The following DEPDC4 variants were observed in gnomAD, a reference collection of about 807,000 sequenced individuals.
DEPDC4 encodes DEP domain-containing protein 4.
Under a neutral mutation model 52.0 loss-of-function variants are expected in DEPDC4, and 52 were observed. The observed-to-expected ratio is 1.00, with a 90% CI of 0.80 to 1.26. DEPDC4 has a LOEUF of 1.26. Ranked by LOEUF, DEPDC4 falls within the 50% of genes most tolerant of loss-of-function variation. DEPDC4 has a pLI of 0.00. For synonymous variants in DEPDC4, 201 were observed against 196.8 expected (o/e 1.02, Z -0.18); for missense variants, 530 against 546.9 (o/e 0.97, Z 0.31).
upstream of DEPDC4, chr12:100,267,679 G>A (rs1393708300): frequency 2.0e-5 from 3 of 152,418 alleles, no homozygotes; most frequent in Non-Finnish European, 2.9e-5. Context: ...CGGGAGACCC[G>A]GGATCGAAGT....
chr12:100,237,259 G>C (rs1592860647), downstream of DEPDC4, among the ~76,000 whole-genome samples: 2 of 150,468 alleles, frequency 1.3e-5, no homozygotes, highest in South Asian at 4.2e-4. Context: ...CCAGGCTGGA[G>C]TGCAGTGGCG....
intron 1 of DEPDC4, among the ~76,000 whole-genome samples, chr12:100,265,532 T>G (rs976241322): frequency 4.2e-4 from 64 of 151,892 alleles, no homozygotes; most frequent in African/African-American, 1.5e-3. Flanking sequence ...GAGGTGGAGG[T>G]TGCGGTGAGC....
At chr12:100,263,247 T>C (rs1444209569) in intron 2 of DEPDC4, among the ~76,000 whole-genome samples, 1 of 152,226 alleles carries the variant, frequency 6.6e-6, no homozygotes, top group East Asian at 1.9e-4. Context: ...TGGCCAAAAG[T>C]CACCCTTTTA....
At chr12:100,271,342 T>C (rs1033252216), upstream of DEPDC4, among the ~76,000 whole-genome samples, 1 of 150,796 alleles carries the variant, frequency 6.6e-6, no homozygotes, top group Non-Finnish European at 1.5e-5. Flanking sequence ...AAGTACTGCA[T>C]ATGGGAGTAT....
At chr12:100,274,525 A>G in the DEPDC4 span, among the ~76,000 whole-genome samples, 1 of 152,198 alleles carries the variant, frequency 6.6e-6, no homozygotes, top group Non-Finnish European at 1.5e-5. Flanking sequence ...GAAAGAAGCA[A>G]GGTACAGCCT....
At chr12:100,232,749 G>A (rs1297344375) in intron 9 of DEPDC4, among the ~76,000 whole-genome samples, 4 of 152,286 alleles carry the variant, frequency 2.6e-5, no homozygotes, top group African/African-American at 7.2e-5. Context: ...CAGGCGTGGT[G>A]GCGCATGCCT....
chr12:100,263,088 A>G (rs1171523996), intron 2 of DEPDC4, among the ~76,000 whole-genome samples: 1 of 152,128 alleles, frequency 6.6e-6, no homozygotes, highest in African/African-American at 2.4e-5. Flanking sequence ...CAGCCTCTTG[A>G]GTAGCTAGGA....
chr12:100,241,706 CTTAA>C lies in DEPDC4; in HGVS notation c.*182_*185del, dbSNP rs998286532. ...CTTCTGGATGGTGTTTTTGAAATTCCTTAATTAATTTCTTTTTTCGTTTCAGAGA... is the reference window on the plus strand; with the variant it reads ...CTTCTGGATGGTGTTTTTGAAATTCCTTAATTTCTTTTTTCGTTTCAGAGA... On this transcript the variant is annotated 3_prime_UTR_variant, in exon 10 of 10. Coordinates refer to ENST00000550587, the MANE Select transcript of DEPDC4 (RefSeq NM_001364818.2). 1.8e-5 allele frequency: 23 copies of C among 1,256,678 alleles called. No homozygotes were observed. The highest frequency in any genetic ancestry group is 2.3e-5 in the Non-Finnish European group (22 of 974,856). 77.8% of individuals were successfully genotyped at this position (1,256,678 alleles called of 1,614,324 possible). A position where few individuals can be genotyped will look rare whatever the true frequency, so the allele number is the denominator to read the frequency against.
rs1180492373 is a variant in DEPDC4, at chr12:100,244,089, C to G, written c.1454-1520G>C. Among the ~76,000 whole-genome samples the G allele has an allele frequency of 2.3e-3, 62 of 26,732 alleles. 1 individual carries two copies. Among genetic ancestry groups the G allele is most frequent in the African/African-American group, 4.1e-3 (27 of 6,546 alleles). The allele number at this position is 26,732 out of a possible 152,430, so 17.5% of individuals were successfully genotyped here. A position where few individuals can be genotyped will look rare whatever the true frequency, so the allele number is the denominator to read the frequency against. ...TGTCTCCCTCTCTCTCTCTCTCTCT[C>G]TCTGTGTATATATATATATATATAT... On this transcript the variant is annotated intron_variant, in intron 8 of 9. Transcript: ENST00000550587.
chr12:100,249,037 A>C (rs1004996001), intron 7 of DEPDC4, 59 bp from the exon 8 acceptor site: 1 of 695,106 alleles, frequency 1.4e-6, no homozygotes, highest in Non-Finnish European at 1.8e-6. Flanking sequence ...CCAGCATTTC[A>C]ACATAGAAAG....
intron 7 of DEPDC4, 96 bp downstream of exon 7, chr12:100,252,080 G>A (rs2096210466): frequency 1.9e-6 from 2 of 1,038,672 alleles, no homozygotes; most frequent in Non-Finnish European, 2.4e-6. Flanking sequence ...CACATTATAG[G>A]TACTTAGTAA....
the DEPDC4 span, among the ~76,000 whole-genome samples, chr12:100,277,457 T>G: frequency 5.9e-5 from 9 of 152,248 alleles, no homozygotes; most frequent in Admixed American, 1.3e-4. Context: ...TGTGTACAGA[T>G]TTAGTATTGT....
rs1232632811 is a variant in DEPDC4 at position 100,244,087 on chromosome 12, C to CTG, written c.1454-1519_1454-1518insCA. On this transcript the variant is annotated intron_variant, in intron 8 of 9. Coordinates refer to ENST00000550587, the MANE Select transcript of DEPDC4 (RefSeq NM_001364818.2). ...GGTGTCTCCCTCTCTCTCTCTCTCTCTCTCTGTGTATATATATATATATAT... is the reference window on the plus strand; with the variant it reads ...GGTGTCTCCCTCTCTCTCTCTCTCTCTGTCTCTGTGTATATATATATATATAT... Among the ~76,000 whole-genome samples the CTG allele has an allele frequency of 5.1e-3, 149 of 29,384 alleles. 2 individuals are homozygous for CTG. Among genetic ancestry groups the CTG allele is most frequent in the Non-Finnish European group, 7.1e-3 (114 of 16,062 alleles). The allele number at this position is 29,384 out of a possible 152,430, so 19.3% of individuals were successfully genotyped here.
chr12:100,252,352 A>G (rs760160499), intron 6 of DEPDC4, 42 bp downstream of exon 6: 16 of 1,493,276 alleles, frequency 1.1e-5, no homozygotes, highest in South Asian at 2.5e-5. Flanking sequence ...GAGGAAAAAA[A>G]TAGCAAAAAA....
rs115373530 is a variant in DEPDC4 at position 100,241,772 on chromosome 12, G to T, written c.*120C>A. The T allele has an allele frequency of 1.0e-3, 1,336 of 1,273,978 alleles. 11 individuals are homozygous for T. The African/African-American group carries it at 0.019, about 18-fold the overall frequency. 78.9% of individuals were successfully genotyped at this position (1,273,978 alleles called of 1,614,324 possible). On this transcript the variant is annotated 3_prime_UTR_variant, in exon 10 of 10. Transcript: ENST00000550587. ...TACTATTAATCTCAAGAGCCAACTG[G>T]TGTAGATACTGAATTGTCCTTCCCT...
downstream of DEPDC4, among the ~76,000 whole-genome samples, chr12:100,235,351 G>GTTT (rs60398537): frequency 5.1e-5 from 7 of 137,572 alleles, no homozygotes; most frequent in Non-Finnish European, 7.9e-5. Context: ...TTCTTTTAAG[G>GTTT]TTTTTTTTTT....
intron 4 of DEPDC4, among the ~76,000 whole-genome samples, chr12:100,255,532 T>C (rs1439144596): frequency 6.6e-6 from 1 of 152,194 alleles, no homozygotes; most frequent in Non-Finnish European, 1.5e-5. Context: ...ATGCCTATAG[T>C]TTCCAGCAGC....
downstream of DEPDC4, among the ~76,000 whole-genome samples, chr12:100,238,590 A>G (rs553632946): frequency 3.6e-5 from 5 of 139,530 alleles, no homozygotes; most frequent in African/African-American, 1.4e-4. Context: ...GGCTCAAGTG[A>G]TCCTCCTACC....
Position 100,267,057 on chromosome 12 carries a change from G to A in DEPDC4, c.20C>T (p.Pro7Leu), listed in dbSNP as rs773111860. Residue 7 changes from proline to leucine, a missense_variant, in exon 1 of 10, where the codon CCA becomes CTA. Transcript: ENST00000550587. ...AAGAACCGCCATAAGCTCGCGCGCT[G>A]GCTCCTCCCCTGGCACCATAGCCCC... MVPGEE[P>L]ARELMAVLLT... 2.3e-5 allele frequency: 37 copies of A among 1,613,520 alleles called. No individual in the cohort carries two copies. The highest frequency in any genetic ancestry group is 9.9e-5 in the South Asian group (9 of 90,962).
Sources: gnomAD v4.1 joint callset for allele counts (sites outside exome capture counted in the v4.1 genomes callset) on GRCh38, gnomAD v4.1.1 for gene constraint, MANE v1.5 for transcripts, NCBI Gene and HGNC (gene_info 2026-07-23, HGNC 2026-07-21) for gene names.